The following CLCN3 variants were observed in gnomAD, a reference collection of about 807,000 sequenced individuals.
CLCN3 encodes H(+)/Cl(-) exchange transporter 3.
CLCN3 carries 16 observed loss-of-function variants against 83.4 expected under a neutral mutation model. The ratio of observed to expected loss-of-function variants is 0.19; its 90% CI spans 0.13 to 0.29. The LOEUF (loss-of-function observed/expected upper bound fraction) is 0.29. Among genes scored for constraint, CLCN3 ranks in the 10% least tolerant of loss-of-function variants. The probability of loss-of-function intolerance (pLI) is 1.00; values close to 1 mark genes in which losing one functional copy is unlikely to be tolerated. For missense variants in CLCN3, 544 were observed against 1,006.0 expected (o/e 0.54, Z 6.21); for synonymous variants, 322 against 346.2 (o/e 0.93, Z 0.78).
At chr4:169,679,996 A>G in intron 2 of CLCN3, 54 bp from the exon 3 acceptor site, 1 of 1,358,024 alleles carries the variant, frequency 7.4e-7, no homozygotes. Context: ...AAGGTCACTT[A>G]GCTCACTGTT....
intron 3 of CLCN3, among the ~76,000 whole-genome samples, chr4:169,684,311 C>G (rs1351968051): frequency 6.6e-6 from 1 of 152,104 alleles, no homozygotes. Context: ...AAGGGTGGTA[C>G]AGGAAAGGGA....
intron 1 of CLCN3, among the ~76,000 whole-genome samples, chr4:169,622,823 G>C (rs1455719017): frequency 6.6e-6 from 1 of 152,096 alleles, no homozygotes; most frequent in Non-Finnish European, 1.5e-5. Context: ...CAAAATGCTA[G>C]AGAAAAACAA....
chr4:169,668,043 ATTTTTTTTTTTT>A (rs60739106), intron 2 of CLCN3, among the ~76,000 whole-genome samples: 10 of 82,344 alleles, frequency 1.2e-4, no homozygotes, highest in Non-Finnish European at 2.2e-4. Context: ...CCGGCCAGAC[ATTTTTTTTTTTT>A]TTTTTTTTTT....
intron 9 of CLCN3, among the ~76,000 whole-genome samples, chr4:169,702,957 T>A (rs1316910305): frequency 6.6e-6 from 1 of 152,096 alleles, no homozygotes; most frequent in African/African-American, 2.4e-5. Flanking sequence ...TCATTGGGTC[T>A]CAGGGAATAG....
intron 2 of CLCN3, among the ~76,000 whole-genome samples, chr4:169,657,116 ACATTGTGT>A (rs1357228426): frequency 2.0e-5 from 3 of 152,166 alleles, no homozygotes; most frequent in African/African-American, 7.2e-5. Context: ...GTAATCTGAA[ACATTGTGT>A]CATTTATATA....
chr4:169,686,180 G>T (rs1181020555), intron 3 of CLCN3, among the ~76,000 whole-genome samples: 1 of 152,034 alleles, frequency 6.6e-6, no homozygotes, highest in East Asian at 1.9e-4. Flanking sequence ...TTGTGGGGTC[G>T]GGGAGTGGGG....
intron 2 of CLCN3, chr4:169,663,615 C>T: frequency 2.3e-6 from 1 of 428,380 alleles, no homozygotes; most frequent in East Asian, 9.2e-5. Context: ...GCTGAGATTA[C>T]AGGTGCGAGC....
chr4:169,665,675 C>G (rs1731218226), intron 2 of CLCN3, among the ~76,000 whole-genome samples: 1 of 151,708 alleles, frequency 6.6e-6, no homozygotes, highest in Non-Finnish European at 1.5e-5. Flanking sequence ...TGAAGGAATA[C>G]ATAGTATTTT....
chr4:169,633,169 C>A (rs1312588754), intron 1 of CLCN3, among the ~76,000 whole-genome samples: 1 of 152,058 alleles, frequency 6.6e-6, no homozygotes, highest in Non-Finnish European at 1.5e-5. Context: ...GCTGCCACCA[C>A]GCCCGGCTAA....
chr4:169,714,484 A>G (rs1288228096), intron 12 of CLCN3, among the ~76,000 whole-genome samples: 1 of 152,164 alleles, frequency 6.6e-6, no homozygotes, highest in Non-Finnish European at 1.5e-5. Flanking sequence ...ATTAAAGCTC[A>G]AGAAGCTTTA....
intron 2 of CLCN3, among the ~76,000 whole-genome samples, chr4:169,670,681 G>A (rs568258218): frequency 2.0e-4 from 30 of 152,212 alleles, no homozygotes; most frequent in African/African-American, 2.6e-4. Context: ...TGGGAATAGC[G>A]TTGAATCTAT....
intron 1 of CLCN3, among the ~76,000 whole-genome samples, chr4:169,623,610 C>T (rs1299806406): frequency 6.6e-6 from 1 of 152,108 alleles, no homozygotes; most frequent in East Asian, 1.9e-4. Context: ...ATCTCTAAAA[C>T]TTACTCCTCT....
chr4:169,678,297 C>T (rs1255054391), intron 2 of CLCN3, among the ~76,000 whole-genome samples: 3 of 152,194 alleles, frequency 2.0e-5, no homozygotes, highest in East Asian at 3.8e-4. Context: ...ATTGTTGACA[C>T]TCGGGCTTGA....
At chr4:169,672,541 G>A (rs1443556865) in intron 2 of CLCN3, among the ~76,000 whole-genome samples, 3 of 152,104 alleles carry the variant, frequency 2.0e-5, no homozygotes, top group African/African-American at 7.2e-5. Context: ...CTTTATTCAT[G>A]CGTAAGATGA....
chr4:169,687,422 G>GA (rs199706044), intron 3 of CLCN3, among the ~76,000 whole-genome samples: 1 of 151,924 alleles, frequency 6.6e-6, no homozygotes, highest in Admixed American at 6.5e-5. Context: ...CTCATTGAAA[G>GA]AAAAAAAATT....
chr4:169,658,685 G>GA (rs1305114656), intron 2 of CLCN3, among the ~76,000 whole-genome samples: 2 of 151,746 alleles, frequency 1.3e-5, no homozygotes, highest in African/African-American at 4.8e-5. Flanking sequence ...GAGCATAGGA[G>GA]AAAAAATTGC....
At chr4:169,710,199 T>G (rs199568775) in intron 11 of CLCN3, among the ~76,000 whole-genome samples, 5 of 152,208 alleles carry the variant, frequency 3.3e-5, no homozygotes, top group Non-Finnish European at 5.9e-5. Flanking sequence ...CTCAGATTTT[T>G]TGTGTGTGTG....
At chr4:169,630,606 C>T (rs922035290) in intron 1 of CLCN3, among the ~76,000 whole-genome samples, 2 of 152,142 alleles carry the variant, frequency 1.3e-5, no homozygotes, top group Non-Finnish European at 2.9e-5. Flanking sequence ...TCTTGGCTCA[C>T]TGCAAACTCT....
intron 11 of CLCN3, among the ~76,000 whole-genome samples, chr4:169,707,844 T>G (rs1292911124): frequency 1.3e-5 from 2 of 152,252 alleles, no homozygotes; most frequent in East Asian, 3.8e-4. Flanking sequence ...TTATGCAGAC[T>G]TTCCTGAAAA....
Sources: allele counts gnomAD v4.1 joint callset (sites outside exome capture counted in the v4.1 genomes callset), GRCh38; gene constraint gnomAD v4.1.1; transcripts MANE v1.5; gene names NCBI Gene and HGNC (gene_info 2026-07-23, HGNC 2026-07-21).